Variants in RAP1A observed in about 807,000 individuals in gnomAD.
The protein encoded by RAP1A is RAP1A, member of RAS oncogene family.
Under a neutral mutation model 26.4 loss-of-function variants are expected in RAP1A, and 6 were observed. The observed-to-expected ratio is 0.23, with a 90% CI of 0.12 to 0.45. RAP1A has a LOEUF of 0.45. Among genes scored for constraint, RAP1A ranks in the 20% least tolerant of loss-of-function variants. RAP1A has a pLI of 0.99. For missense variants in RAP1A, 121 were observed against 217.2 expected (o/e 0.56, Z 2.78); for synonymous variants, 73 against 79.4 (o/e 0.92, Z 0.43).
intron 1 of RAP1A, among the ~76,000 whole-genome samples, chr1:111,555,362 TAAAAAAAAAAAAA>T (rs397981230): frequency 4.2e-5 from 2 of 47,650 alleles, no homozygotes; most frequent in Admixed American, 3.2e-4. Flanking sequence ...TGAGACTCTG[TAAAAAAAAAAAAA>T]AAAAAAAAAA....
intron 1 of RAP1A, among the ~76,000 whole-genome samples, chr1:111,586,512 G>C (rs1219152178): frequency 1.3e-5 from 2 of 152,202 alleles, no homozygotes; most frequent in Non-Finnish European, 2.9e-5. Context: ...GAGCCCAGGA[G>C]GTCAAGGCTG....
At chr1:111,659,184 G>A (rs766259935) in intron 1 of RAP1A, among the ~76,000 whole-genome samples, 34 of 152,172 alleles carry the variant, frequency 2.2e-4, no homozygotes, top group Middle Eastern at 6.8e-3. Flanking sequence ...GCCTGAAACC[G>A]CGGATATAGT....
intron 1 of RAP1A, among the ~76,000 whole-genome samples, chr1:111,647,587 A>AT (rs1354853461): frequency 1.3e-5 from 2 of 152,232 alleles, no homozygotes; most frequent in Non-Finnish European, 2.9e-5. Flanking sequence ...CTATTATAAC[A>AT]TTTTTTCTGT....
At chr1:111,699,642 T>TA (rs773071256) in intron 4 of RAP1A, among the ~76,000 whole-genome samples, 24 of 149,970 alleles carry the variant, frequency 1.6e-4, no homozygotes, top group East Asian at 5.9e-4. Flanking sequence ...TTTTTTTTTT[T>TA]AATTTTTTGT....
chr1:111,586,212 A>G (rs1557858363), intron 1 of RAP1A, among the ~76,000 whole-genome samples: 1 of 152,198 alleles, frequency 6.6e-6, no homozygotes, highest in African/African-American at 2.4e-5. Flanking sequence ...TTTAAAATTT[A>G]AACAACAAGT....
At chr1:111,581,366 C>A (rs1253850099) in intron 1 of RAP1A, among the ~76,000 whole-genome samples, 1 of 152,148 alleles carries the variant, frequency 6.6e-6, no homozygotes, top group African/African-American at 2.4e-5. Flanking sequence ...CATTCAGTAT[C>A]TGGAAACATT....
intron 1 of RAP1A, among the ~76,000 whole-genome samples, chr1:111,658,786 A>G (rs1660543795): frequency 6.6e-6 from 1 of 152,222 alleles, no homozygotes; most frequent in African/African-American, 2.4e-5. Flanking sequence ...TACTTCAGCT[A>G]CGACCTTACT....
At chr1:111,618,198 C>T (rs775505315), upstream of RAP1A, among the ~76,000 whole-genome samples, 1 of 152,168 alleles carries the variant, frequency 6.6e-6, no homozygotes, top group Non-Finnish European at 1.5e-5. Context: ...CTCTTCCTCA[C>T]CTCCCATCCT....
intron 1 of RAP1A, among the ~76,000 whole-genome samples, chr1:111,669,004 A>G (rs1332206232): frequency 6.7e-6 from 1 of 149,204 alleles, no homozygotes; most frequent in Non-Finnish European, 1.5e-5. Flanking sequence ...AGCCTGGGCA[A>G]CAGAATGAGA....
chr1:111,689,700 C>T (rs1174995379), intron 1 of RAP1A, among the ~76,000 whole-genome samples: 1 of 152,046 alleles, frequency 6.6e-6, no homozygotes, highest in Admixed American at 6.5e-5. Context: ...GACGCAGTCT[C>T]GCTCTGTCGC....
chr1:111,670,867 A>C (rs1395910629), intron 1 of RAP1A, among the ~76,000 whole-genome samples: 1 of 152,254 alleles, frequency 6.6e-6, no homozygotes, highest in Non-Finnish European at 1.5e-5. Context: ...TATCAAGTCT[A>C]TCAAGACGAC....
At chr1:111,641,613 T>C (rs573017096) in intron 1 of RAP1A, among the ~76,000 whole-genome samples, 1 of 152,124 alleles carries the variant, frequency 6.6e-6, no homozygotes, top group Admixed American at 6.6e-5. Context: ...TTCTCTATCT[T>C]CTAGAAGGAA....
At chr1:111,546,826 A>G (rs544909465) in intron 1 of RAP1A, among the ~76,000 whole-genome samples, 1 of 152,238 alleles carries the variant, frequency 6.6e-6, no homozygotes, top group African/African-American at 2.4e-5. Flanking sequence ...TTCTATTTGT[A>G]TTTTTTTGAG....
intron 1 of RAP1A, among the ~76,000 whole-genome samples, chr1:111,544,264 C>G (rs2101027787): frequency 6.6e-6 from 1 of 152,234 alleles, no homozygotes; most frequent in South Asian, 2.1e-4. Context: ...CAGCATTTTA[C>G]CAACTTTAAG....
At chr1:111,641,021 T>C (rs1659873775) in intron 1 of RAP1A, among the ~76,000 whole-genome samples, 1 of 152,080 alleles carries the variant, frequency 6.6e-6, no homozygotes, top group Admixed American at 6.6e-5. Context: ...GGAATACAAG[T>C]AATGCCCTGA....
chr1:111,576,813 C>T (rs577009545), intron 1 of RAP1A, among the ~76,000 whole-genome samples: 3 of 152,314 alleles, frequency 2.0e-5, no homozygotes, highest in South Asian at 2.1e-4. Context: ...TAGGCCTCCA[C>T]GTGGCCTGCA....
At chr1:111,701,528 T>G (rs1662022432) in intron 4 of RAP1A, among the ~76,000 whole-genome samples, 1 of 152,226 alleles carries the variant, frequency 6.6e-6, no homozygotes, top group Non-Finnish European at 1.5e-5. Context: ...AGGGCAGAAA[T>G]TTTTGCCTCT....
At chr1:111,683,036 A>G in intron 1 of RAP1A, among the ~76,000 whole-genome samples, 1 of 152,228 alleles carries the variant, frequency 6.6e-6, no homozygotes, top group East Asian at 1.9e-4. Context: ...GCACAACTAC[A>G]TGGAAACTGA....
chr1:111,697,106 C>CT (rs534112653), intron 3 of RAP1A, among the ~76,000 whole-genome samples: 3 of 152,038 alleles, frequency 2.0e-5, no homozygotes, highest in African/African-American at 7.2e-5. Context: ...CACATATGTA[C>CT]TTTTTTTTCT....
Sources: gnomAD v4.1 joint callset for allele counts (sites outside exome capture counted in the v4.1 genomes callset) on GRCh38, gnomAD v4.1.1 for gene constraint, MANE v1.5 for transcripts, NCBI Gene and HGNC (gene_info 2026-07-23, HGNC 2026-07-21) for gene names.